ADAM2: variants seen among roughly 807,000 people sequenced by gnomAD.
ADAM2 encodes disintegrin and metalloproteinase domain-containing protein 2.
Under a neutral mutation model 99.3 loss-of-function variants are expected in ADAM2, and 101 were observed. The observed-to-expected ratio is 1.02, with a 90% CI of 0.87 to 1.20. The LOEUF is 1.20. Among genes scored for constraint, ADAM2 ranks in the 50% most tolerant of loss-of-function variants. The pLI, the probability that ADAM2 is intolerant of heterozygous loss-of-function variation, is 0.00. For synonymous variants in ADAM2, 323 were observed against 287.6 expected (o/e 1.12, Z -1.25); for missense variants, 948 against 878.7 (o/e 1.08, Z -1.00).
chr8:39,820,401 C>G (rs1209678732), intron 6 of ADAM2, among the ~76,000 whole-genome samples: 1 of 152,138 alleles, frequency 6.6e-6, no homozygotes. Flanking sequence ...TCCCATGGTA[C>G]TGCCGTCAAA....
intron 10 of ADAM2, among the ~76,000 whole-genome samples, chr8:39,784,748 G>A (rs1300965810): frequency 6.6e-6 from 1 of 152,130 alleles, no homozygotes; most frequent in Non-Finnish European, 1.5e-5. Flanking sequence ...TAAATCACTT[G>A]ACCATAAGTA....
At chr8:39,797,854 G>T (rs1424883806) in intron 7 of ADAM2, among the ~76,000 whole-genome samples, 1 of 152,174 alleles carries the variant, frequency 6.6e-6, no homozygotes, top group Non-Finnish European at 1.5e-5. Flanking sequence ...CCTATTGTTG[G>T]TATAAAGGAA....
chr8:39,757,209 T>TA (rs1213285142), intron 15 of ADAM2, among the ~76,000 whole-genome samples: 1 of 151,728 alleles, frequency 6.6e-6, no homozygotes, highest in Non-Finnish European at 1.5e-5. Flanking sequence ...ACTCAACATG[T>TA]AAAAAAACCC....
intron 3 of ADAM2, among the ~76,000 whole-genome samples, chr8:39,827,043 C>T (rs539884247): frequency 6.7e-6 from 1 of 149,540 alleles, no homozygotes; most frequent in Non-Finnish European, 1.5e-5. Context: ...ATACAAACAA[C>T]TCAGAAAAAA....
chr8:39,787,611 A>G (rs1586100296), intron 9 of ADAM2, among the ~76,000 whole-genome samples: 1 of 151,382 alleles, frequency 6.6e-6, no homozygotes, highest in African/African-American at 2.4e-5. Context: ...TTGATAAAAG[A>G]AAAACAGAGT....
chr8:39,745,959 A>G (rs985431271), intron 19 of ADAM2, among the ~76,000 whole-genome samples: 15 of 151,804 alleles, frequency 9.9e-5, no homozygotes, highest in African/African-American at 2.9e-4. Context: ...TAAAATTGCA[A>G]TTATTATATG....
intron 10 of ADAM2, among the ~76,000 whole-genome samples, chr8:39,780,997 G>T (rs1020491910): frequency 1.3e-5 from 2 of 150,626 alleles, no homozygotes; most frequent in Non-Finnish European, 3.0e-5. Context: ...TTTGTGTGGC[G>T]CTTTCATACC....
At chr8:39,750,813 A>G (rs1801905544) in intron 16 of ADAM2, among the ~76,000 whole-genome samples, 1 of 152,208 alleles carries the variant, frequency 6.6e-6, no homozygotes, top group African/African-American at 2.4e-5. Context: ...AATTGTTTTC[A>G]GAGATCTCTT....
chr8:39,820,600 C>T lies in ADAM2; in HGVS notation c.513+402G>A, dbSNP rs144283149. Among the ~76,000 whole-genome samples the T allele has an allele frequency of 1.8e-4, 27 of 152,176 alleles. 1 individual carries two copies. The highest frequency in any genetic ancestry group is 6.5e-4 in the African/African-American group (27 of 41,542). ...GAATCCCCTGAGGAAAATATAATGA[C>T]CTCCCCTGAGGCAGTTCCCTTACAA... On this transcript the variant is annotated intron_variant, in intron 6 of 20. Transcript: ENST00000265708.
At chr8:39,744,751 T>C (rs1045643278) in intron 20 of ADAM2, 79 bp downstream of exon 20, 3 of 930,076 alleles carry the variant, frequency 3.2e-6, no homozygotes, top group Non-Finnish European at 4.9e-6. Context: ...TGTATACCTA[T>C]GTAACAAACC....
chr8:39,807,482 C>A (rs1804488266), intron 7 of ADAM2, among the ~76,000 whole-genome samples: 1 of 152,076 alleles, frequency 6.6e-6, no homozygotes, highest in Admixed American at 6.6e-5. Flanking sequence ...TTATCTCTCT[C>A]CAAAATTTCA....
chr8:39,747,532 T>A (rs1823525991), intron 18 of ADAM2, among the ~76,000 whole-genome samples: 1 of 152,188 alleles, frequency 6.6e-6, no homozygotes, highest in African/African-American at 2.4e-5. Flanking sequence ...TTCTGAGATT[T>A]TAACAGAGGT....
rs942651535 is a variant in ADAM2 at position 39,758,784 on chromosome 8, G to A, written c.1613+2392C>T. On this transcript the variant is annotated intron_variant, in intron 15 of 20. Coordinates refer to ENST00000265708, the MANE Select transcript of ADAM2 (RefSeq NM_001464.5). ...AAAAGTCCTACAGACTTTTGAAAAG[G>A]ACACATTAACCAGCTCAAAGGGATT... Among the ~76,000 whole-genome samples, 10 of 151,940 alleles carry A rather than the reference G, an allele frequency of 6.6e-5. No individual in the cohort carries two copies. The East Asian group carries it at 1.9e-3, about 29-fold the overall frequency.
chr8:39,821,759 TCAAA>T (rs1805198642), intron 4 of ADAM2, 97 bp from the exon 5 acceptor site: 2 of 800,780 alleles, frequency 2.5e-6, no homozygotes, highest in Non-Finnish European at 4.0e-6. Flanking sequence ...TTTTTATGCA[TCAAA>T]CACTCATGTT....
Position 39,769,564 on chromosome 8 carries a change from C to A in ADAM2, c.1040G>T (p.Gly347Val), listed in dbSNP as rs150195285. The A allele has an allele frequency of 1.2e-6, 2 of 1,612,066 alleles. No homozygotes were observed. The highest frequency in any genetic ancestry group is 1.7e-6 in the Non-Finnish European group (2 of 1,178,410). ...IMNPEAIHFS[G>V]VKIFSNCSFE... is the part of the protein sequence containing the mutation. ...GCTGCAGTTACTAAAGATCTTCACA[C>A]CACTGAAATGACTAAAGACACATCA... Residue 347 changes from glycine (G) to valine (V), a missense_variant, in exon 12 of 21, where the codon GGT (glycine) becomes GTT (valine). Gly to Val is a moderately radical substitution (Grantham distance 109, BLOSUM62 -3). Coordinates refer to ENST00000265708, the MANE Select transcript of ADAM2 (RefSeq NM_001464.5).
chr8:39,810,720 T>C, intron 6 of ADAM2, among the ~76,000 whole-genome samples: 1 of 152,204 alleles, frequency 6.6e-6, no homozygotes, highest in Non-Finnish European at 1.5e-5. Context: ...GAAATAAAGA[T>C]GTTCTTTGAA....
chr8:39,821,753 T>C, intron 4 of ADAM2, 91 bp from the exon 5 acceptor site: 1 of 889,112 alleles, frequency 1.1e-6, no homozygotes, highest in Non-Finnish European at 1.8e-6. Flanking sequence ...GTTTTGTTTT[T>C]ATGCATCAAA....
At chr8:39,825,410 T>C (rs1239475775) in intron 3 of ADAM2, among the ~76,000 whole-genome samples, 1 of 152,084 alleles carries the variant, frequency 6.6e-6, no homozygotes, top group Non-Finnish European at 1.5e-5. Flanking sequence ...CATTTGATGA[T>C]AATATAAACT....
chr8:39,827,182 G>C (rs1245803201), intron 3 of ADAM2, among the ~76,000 whole-genome samples: 1 of 152,028 alleles, frequency 6.6e-6, no homozygotes, highest in African/African-American at 2.4e-5. Context: ...ACCACCATGG[G>C]ATAACACCTT....
Sources: allele counts gnomAD v4.1 joint callset (sites outside exome capture counted in the v4.1 genomes callset), GRCh38; gene constraint gnomAD v4.1.1; transcripts MANE v1.5; gene names NCBI Gene and HGNC (gene_info 2026-07-23, HGNC 2026-07-21).